SYNDIG1: variants seen among roughly 807,000 people sequenced by gnomAD.
SYNDIG1 encodes synapse differentiation inducing 1.
Under a neutral mutation model 19.4 loss-of-function variants are expected in SYNDIG1, and 9 were observed. The ratio of observed to expected loss-of-function variants is 0.46; its 90% CI spans 0.28 to 0.81. The LOEUF is 0.81. SYNDIG1 is among the 30% of genes least tolerant of loss of function. SYNDIG1 has a pLI of 0.12. For synonymous variants in SYNDIG1, 141 were observed against 145.9 expected, an observed-to-expected ratio of 0.97 and a Z score of 0.24; for missense variants, 311 against 343.3, an observed-to-expected ratio of 0.91 and a Z score of 0.74.
chr20:24,663,134 G>A (rs2059618313), intron 3 of SYNDIG1, among the ~76,000 whole-genome samples: 1 of 152,188 alleles, frequency 6.6e-6, no homozygotes, highest in Non-Finnish European at 1.5e-5. Context: ...TGCCTTGCAG[G>A]AGTGGGCACT....
intron 1 of SYNDIG1, among the ~76,000 whole-genome samples, chr20:24,492,620 T>G (rs1764512155): frequency 6.6e-6 from 1 of 152,076 alleles, no homozygotes; most frequent in Non-Finnish European, 1.5e-5. Flanking sequence ...GGTCCTTAGA[T>G]CCTTAGTGCA....
At chr20:24,508,949 A>G (rs1600475269) in intron 1 of SYNDIG1, among the ~76,000 whole-genome samples, 1 of 152,228 alleles carries the variant, frequency 6.6e-6, no homozygotes, top group Non-Finnish European at 1.5e-5. Flanking sequence ...AGGTCCCACA[A>G]CCCAACACAT....
intron 3 of SYNDIG1, among the ~76,000 whole-genome samples, chr20:24,649,577 A>G (rs1363759038): frequency 6.6e-6 from 1 of 152,154 alleles, no homozygotes; most frequent in African/African-American, 2.4e-5. Flanking sequence ...GTTTATTAAT[A>G]TGGGGTGGAG....
At chr20:24,577,580 T>C (rs552730840) in intron 2 of SYNDIG1, among the ~76,000 whole-genome samples, 1 of 152,344 alleles carries the variant, frequency 6.6e-6, no homozygotes, top group African/African-American at 2.4e-5. Context: ...ACACCTGTGA[T>C]GTGGACAGAG....
chr20:24,577,644 G>A (rs995313732), intron 2 of SYNDIG1, among the ~76,000 whole-genome samples: 6 of 152,242 alleles, frequency 3.9e-5, no homozygotes, highest in Non-Finnish European at 7.3e-5. Flanking sequence ...TGCACCTCCC[G>A]TAGATGCAGA....
chr20:24,490,712 T>G (rs1475793449), intron 1 of SYNDIG1, among the ~76,000 whole-genome samples: 2 of 152,214 alleles, frequency 1.3e-5, no homozygotes, highest in Non-Finnish European at 2.9e-5. Flanking sequence ...GGACTCCTTA[T>G]GTGGGGCCTC....
chr20:24,487,871 G>A (rs80109724), intron 1 of SYNDIG1, among the ~76,000 whole-genome samples: 32 of 152,230 alleles, frequency 2.1e-4, no homozygotes, highest in Admixed American at 1.7e-3. Flanking sequence ...ACAAGGAAGC[G>A]AAAGTGGCGA....
chr20:24,585,126 C>T (rs1275526184), intron 3 of SYNDIG1, 133 bp downstream of exon 3: 6 of 1,213,690 alleles, frequency 4.9e-6, no homozygotes, highest in Non-Finnish European at 6.9e-6. Flanking sequence ...GGCACTTGCC[C>T]AGTTGGAGGA....
intron 2 of SYNDIG1, among the ~76,000 whole-genome samples, chr20:24,550,775 G>A (rs1600596680): frequency 6.6e-6 from 1 of 152,134 alleles, no homozygotes; most frequent in East Asian, 1.9e-4. Flanking sequence ...CTCCCAAAGT[G>A]CTGGGATTAC....
intron 1 of SYNDIG1, among the ~76,000 whole-genome samples, chr20:24,497,176 G>T (rs930687755): frequency 6.6e-6 from 1 of 151,120 alleles, no homozygotes; most frequent in Admixed American, 6.6e-5. Flanking sequence ...CTTTTCTTTT[G>T]TTTGTTTGTT....
At position 24,658,658 on chromosome 20, in the gene SYNDIG1, C is replaced by G. The variant is rs1227120668; in HGVS notation, c.619-6688C>G. Among the ~76,000 whole-genome samples, 1 of 151,458 alleles carries G rather than the reference C, an allele frequency of 6.6e-6. No homozygotes were observed. The highest frequency in any genetic ancestry group is 1.9e-4 in the East Asian group (1 of 5,136). ...TCACTGAATGTGAAATAGATTCCCA[C>G]GAGGCATGTGGGTGTGGAGCCTGTT... On this transcript the variant is annotated intron_variant, in intron 3 of 3. Transcript: ENST00000376862. The surrounding 1 kb of genome is among the most constrained non-coding windows in gnomAD (Gnocchi z 4.4).
intron 1 of SYNDIG1, among the ~76,000 whole-genome samples, chr20:24,510,441 C>A (rs1030246894): frequency 6.6e-6 from 1 of 150,618 alleles, no homozygotes; most frequent in African/African-American, 2.4e-5. Flanking sequence ...TGGTGGTGGG[C>A]GCCTGTAATC....
intron 1 of SYNDIG1, among the ~76,000 whole-genome samples, chr20:24,489,230 G>A (rs774150534): frequency 3.3e-5 from 5 of 152,098 alleles, no homozygotes; most frequent in East Asian, 1.9e-4. Context: ...ACACCGACAT[G>A]TAGATACATG....
In SYNDIG1 at chr20:24,658,223, G is replaced by A. The variant is rs1314495864; in HGVS notation, c.619-7123G>A. 5.3e-5 allele frequency among the ~76,000 whole-genome samples: 8 copies of A among 152,170 alleles called. No homozygotes were observed. The highest frequency in any genetic ancestry group is 4.6e-4 in the Admixed American group (7 of 15,276). ...GCTCATTGGAAACTCCATGAAGAGC[G>A]AAGAGAAATGGCAGCCTGTGGGTCC... On this transcript the variant is annotated intron_variant, in intron 3 of 3. Coordinates refer to ENST00000376862, the MANE Select transcript of SYNDIG1 (RefSeq NM_024893.3). The surrounding 1 kb of genome is among the most constrained non-coding windows in gnomAD (Gnocchi z 4.4).
At chr20:24,505,914 G>A (rs572037217) in intron 1 of SYNDIG1, among the ~76,000 whole-genome samples, 2 of 152,340 alleles carry the variant, frequency 1.3e-5, no homozygotes, top group African/African-American at 2.4e-5. Flanking sequence ...CTGTGGTTTG[G>A]TAGTAGCTAG....
rs186348735 is a variant in SYNDIG1, at chr20:24,589,049, C to T, written c.618+4056C>T. 1.2e-3 allele frequency among the ~76,000 whole-genome samples: 180 copies of T among 152,292 alleles called. 1 individual carries two copies. Among genetic ancestry groups the T allele is most frequent in the Non-Finnish European group, 1.8e-3 (121 of 68,032 alleles). On this transcript the variant is annotated intron_variant, in intron 3 of 3. Transcript: ENST00000376862. Reference sequence around the variant, plus strand: ...TGTTCCATCCAGCCCCCATTGCAAGCACGCTTTGTAAACCAGTTCATACAG... The same window carrying T: ...TGTTCCATCCAGCCCCCATTGCAAGTACGCTTTGTAAACCAGTTCATACAG...
intron 1 of SYNDIG1, among the ~76,000 whole-genome samples, chr20:24,490,188 G>T (rs1463053296): frequency 6.6e-6 from 1 of 152,248 alleles, no homozygotes; most frequent in Non-Finnish European, 1.5e-5. Flanking sequence ...GGTCTGGTTT[G>T]TCATGGAGGG....
chr20:24,539,437 T>C (rs1386052536), intron 1 of SYNDIG1, among the ~76,000 whole-genome samples: 1 of 152,234 alleles, frequency 6.6e-6, no homozygotes, highest in Non-Finnish European at 1.5e-5. Context: ...GGCTCTCTAT[T>C]TTATTCACTT....
At chr20:24,583,233 C>T (rs1056009640) in intron 2 of SYNDIG1, among the ~76,000 whole-genome samples, 12 of 152,202 alleles carry the variant, frequency 7.9e-5, no homozygotes, top group African/African-American at 2.9e-4. Context: ...ACTCAGGCAT[C>T]GGTGGCAAGC....
Sources: allele counts gnomAD v4.1 joint callset (sites outside exome capture counted in the v4.1 genomes callset), GRCh38; gene constraint gnomAD v4.1.1; non-coding constraint Gnocchi (gnomAD v3.1); transcripts MANE v1.5; gene names NCBI Gene and HGNC (gene_info 2026-07-23, HGNC 2026-07-21).